The following DHRSX variants were observed in gnomAD, a reference collection of about 807,000 sequenced individuals.
The protein encoded by DHRSX is dehydrogenase/reductase X-linked.
Under a neutral mutation model 34.0 loss-of-function variants are expected in DHRSX, and 31 were observed. That is an observed-to-expected ratio of 0.91 (90% CI 0.69 to 1.23). The LOEUF (loss-of-function observed/expected upper bound fraction) is 1.23, where lower values mean the gene tolerates loss of function less well. Ranked by LOEUF, DHRSX falls within the 50% of genes most tolerant of loss-of-function variation. The pLI is 0.00. For synonymous variants in DHRSX, 201 were observed against 183.8 expected, an observed-to-expected ratio of 1.09 and a Z score of -0.76; for missense variants, 414 against 428.1, an observed-to-expected ratio of 0.97 and a Z score of 0.29.
intron 3 of DHRSX, among the ~76,000 whole-genome samples, chrX:2,361,826 A>C (rs1337023554): frequency 6.6e-6 from 1 of 152,218 alleles, no homozygotes; most frequent in East Asian, 1.9e-4. Context: ...GAATAGGCAG[A>C]AAATGCAAAT....
chrX:2,497,438 C>T (rs1332705584), intron 1 of DHRSX, among the ~76,000 whole-genome samples: 4 of 152,080 alleles, frequency 2.6e-5, no homozygotes, highest in South Asian at 4.1e-4. Context: ...TTTACTTCTA[C>T]CTGATTTCTA....
intron 3 of DHRSX, among the ~76,000 whole-genome samples, chrX:2,343,489 C>G (rs1307744943): frequency 1.3e-5 from 2 of 152,174 alleles, no homozygotes; most frequent in Non-Finnish European, 2.9e-5. Context: ...CAGTTAAGGA[C>G]ACAACCAAAC....
At chrX:2,245,728 C>T (rs1475115612) in intron 5 of DHRSX, among the ~76,000 whole-genome samples, 3 of 145,780 alleles carry the variant, frequency 2.1e-5, no homozygotes, top group Admixed American at 7.0e-5. Context: ...GAGGCCAAGG[C>T]GGGCGGATCA....
chrX:2,276,964 A>G (rs369862681), intron 4 of DHRSX, among the ~76,000 whole-genome samples: 13 of 6,066 alleles, frequency 2.1e-3, no homozygotes, highest in Middle Eastern at 0.056. Context: ...GAGAGAAGGA[A>G]GAGGAGGAAA....
chrX:2,383,009 C>A lies in DHRSX; in HGVS notation c.286+25736G>T, dbSNP rs1479882725. Among the ~76,000 whole-genome samples, 4 of 151,342 alleles carry A rather than the reference C, an allele frequency of 2.6e-5. No individual in the cohort carries two copies. The South Asian group carries it at 6.3e-4, about 24-fold the overall frequency. On this transcript the variant is annotated intron_variant, in intron 3 of 6. Coordinates refer to ENST00000334651, the MANE Select transcript of DHRSX (RefSeq NM_145177.3). ...TCAGCAGCATCATCACCATCACCAA[C>A]ATCATTATCATTTCTATTACCACCA...
chrX:2,407,739 A>G (rs1055210894), intron 3 of DHRSX, among the ~76,000 whole-genome samples: 20 of 152,196 alleles, frequency 1.3e-4, no homozygotes, highest in African/African-American at 4.6e-4. Flanking sequence ...ATGTGTCCAC[A>G]TGGAAAGAGT....
intron 1 of DHRSX, among the ~76,000 whole-genome samples, chrX:2,440,937 T>C (rs909358737): frequency 6.6e-6 from 1 of 152,190 alleles, no homozygotes; most frequent in African/African-American, 2.4e-5. Context: ...AGAGCAACGC[T>C]GTAACCAGCC....
chrX:2,359,090 T>A (rs1457712397), intron 3 of DHRSX, among the ~76,000 whole-genome samples: 2 of 151,616 alleles, frequency 1.3e-5, no homozygotes, highest in African/African-American at 2.4e-5. Flanking sequence ...TACTAAAACA[T>A]CAAAAAACAA....
At chrX:2,259,981 C>T (rs1368045846) in intron 5 of DHRSX, among the ~76,000 whole-genome samples, 7 of 152,022 alleles carry the variant, frequency 4.6e-5, no homozygotes, top group Non-Finnish European at 8.8e-5. Flanking sequence ...ACAGATCTTT[C>T]TGTGAACCAC....
intron 1 of DHRSX, among the ~76,000 whole-genome samples, chrX:2,495,897 C>A (rs1224095209): frequency 6.6e-6 from 1 of 152,100 alleles, no homozygotes; most frequent in Admixed American, 6.5e-5. Flanking sequence ...CAGAACGACA[C>A]GTCGCAAGAG....
intron 4 of DHRSX, among the ~76,000 whole-genome samples, chrX:2,274,503 G>A (rs776513322): frequency 4.0e-5 from 6 of 151,662 alleles, no homozygotes; most frequent in South Asian, 2.1e-4. Flanking sequence ...TGCAACCTCC[G>A]CCTCCCGGGT....
chrX:2,310,561 TGA>T (rs780086507), intron 3 of DHRSX, among the ~76,000 whole-genome samples: 70 of 143,910 alleles, frequency 4.9e-4, no homozygotes, highest in Admixed American at 1.9e-3. Context: ...TGTGTGTGTG[TGA>T]GAGAGAGAGA....
chrX:2,408,696 C>A (rs2043589085), intron 3 of DHRSX, 49 bp downstream of exon 3: 2 of 1,512,548 alleles, frequency 1.3e-6, no homozygotes, highest in East Asian at 4.7e-5. Context: ...ACGACCTGTC[C>A]CAAGGAAAAA....
Position 2,460,326 on chromosome X carries a change from C to A in DHRSX, c.110-35022G>T, listed in dbSNP as rs766010581. 3.0e-4 allele frequency among the ~76,000 whole-genome samples: 45 copies of A among 151,748 alleles called. No individual in the cohort carries two copies. In the East Asian group the frequency reaches 3.1e-3, roughly 10 times the overall value. The stretch of plus-strand genomic sequence containing the variant: ...CTGAGTACATGCAAGGTGCACTGAG[C>A]CGGCTCCCCATGGAACTCCAAAAAT... On this transcript the variant is annotated intron_variant, in intron 1 of 6. Transcript: ENST00000334651.
At chrX:2,380,711 C>T (rs2043193051) in intron 3 of DHRSX, among the ~76,000 whole-genome samples, 1 of 152,100 alleles carries the variant, frequency 6.6e-6, no homozygotes, top group African/African-American at 2.4e-5. Context: ...GCATTCCCCC[C>T]TTGCTCTCTC....
chrX:2,239,789 A>G (rs1467986099), intron 6 of DHRSX, among the ~76,000 whole-genome samples: 1 of 151,868 alleles, frequency 6.6e-6, no homozygotes, highest in African/African-American at 2.4e-5. Context: ...AATAAATTAA[A>G]TAAAATAAAA....
chrX:2,419,330 G>T (rs1001153476), intron 2 of DHRSX, among the ~76,000 whole-genome samples: 6 of 152,096 alleles, frequency 3.9e-5, no homozygotes, highest in Non-Finnish European at 5.9e-5. Flanking sequence ...TGACCACACT[G>T]ACCCCCTGGT....
intron 6 of DHRSX, among the ~76,000 whole-genome samples, chrX:2,237,038 A>G (rs887191892): frequency 2.0e-5 from 3 of 151,842 alleles, no homozygotes; most frequent in African/African-American, 7.3e-5. Context: ...AAAATGTAAA[A>G]ATTAGCCAGG....
intron 1 of DHRSX, among the ~76,000 whole-genome samples, chrX:2,456,891 G>C (rs1311465098): frequency 1.3e-5 from 2 of 152,096 alleles, no homozygotes; most frequent in African/African-American, 4.8e-5. Context: ...AACTTTGGCT[G>C]TGATTCAGAC....
Sources: gnomAD v4.1 joint callset for allele counts (sites outside exome capture counted in the v4.1 genomes callset) on GRCh38, gnomAD v4.1.1 for gene constraint, MANE v1.5 for transcripts, NCBI Gene and HGNC (gene_info 2026-07-23, HGNC 2026-07-21) for gene names.